The following WWOX variants were observed in gnomAD, a reference collection of about 807,000 sequenced individuals.
The protein encoded by WWOX is WW domain-containing oxidoreductase.
WWOX carries 69 observed loss-of-function variants against 46.2 expected under a neutral mutation model. That is an observed-to-expected ratio of 1.49 (90% CI 1.23 to 1.82). The LOEUF (loss-of-function observed/expected upper bound fraction) is 1.82, where lower values mean the gene tolerates loss of function less well. Among genes scored for constraint, WWOX ranks in the 40% most tolerant of loss-of-function variants. The pLI is 0.00. For synonymous variants in WWOX, 359 were observed against 202.6 expected (o/e 1.77, Z -6.56); for missense variants, 919 against 542.6 (o/e 1.69, Z -6.89).
At chr16:78,721,119 A>G (rs2048679288) in intron 8 of WWOX, among the ~76,000 whole-genome samples, 1 of 152,198 alleles carries the variant, frequency 6.6e-6, no homozygotes, top group Non-Finnish European at 1.5e-5. Flanking sequence ...CAGAATCTCC[A>G]TAAACTGTTT....
At position 78,449,603 on chromosome 16, in the gene WWOX, T is replaced by G. The variant is rs539057288; in HGVS notation, c.1056+16851T>G. On this transcript the variant is annotated intron_variant, in intron 8 of 8. Transcript: ENST00000566780. ...CTTCGTTCTTTTTCTGTTTGCATCC[T>G]TTCGTCATCCTTTTCTTCCCTCTTT... Among the ~76,000 whole-genome samples the G allele has an allele frequency of 6.6e-5, 10 of 152,328 alleles. No individual in the cohort carries two copies. In the South Asian group the frequency reaches 2.1e-3, roughly 32 times the overall value.
intron 8 of WWOX, among the ~76,000 whole-genome samples, chr16:78,603,422 C>T (rs144773394): frequency 1.6e-4 from 25 of 152,306 alleles, no homozygotes; most frequent in Non-Finnish European, 3.5e-4. Context: ...CTGCTGGGTG[C>T]AGTGCCTCAT....
intron 8 of WWOX, among the ~76,000 whole-genome samples, chr16:78,720,185 C>G (rs2048656997): frequency 6.6e-6 from 1 of 152,112 alleles, no homozygotes. Flanking sequence ...AATTGATGTG[C>G]TTCTTTTAGA....
chr16:78,592,421 T>C (rs1452769796), intron 8 of WWOX, among the ~76,000 whole-genome samples: 2 of 152,148 alleles, frequency 1.3e-5, no homozygotes, highest in African/African-American at 2.4e-5. Flanking sequence ...CATAAGAACA[T>C]ACACAAGCAT....
intron 8 of WWOX, among the ~76,000 whole-genome samples, chr16:78,787,601 A>G (rs2050489686): frequency 6.6e-6 from 1 of 152,172 alleles, no homozygotes; most frequent in South Asian, 2.1e-4. Context: ...GTTGGCTGTT[A>G]CGAATTATGC....
chr16:78,454,279 C>T (rs1567582915), intron 8 of WWOX, among the ~76,000 whole-genome samples: 2 of 152,132 alleles, frequency 1.3e-5, no homozygotes, highest in African/African-American at 4.8e-5. Context: ...TGCTCTAAAA[C>T]AGCATCTCTC....
intron 8 of WWOX, among the ~76,000 whole-genome samples, chr16:78,599,039 A>G (rs147869431): frequency 2.0e-5 from 3 of 152,216 alleles, no homozygotes; most frequent in East Asian, 3.9e-4. Context: ...TGAACAATCA[A>G]ACTGGACTTT....
At chr16:78,862,003 G>A (rs576501350) in intron 8 of WWOX, among the ~76,000 whole-genome samples, 1 of 152,228 alleles carries the variant, frequency 6.6e-6, no homozygotes, top group African/African-American at 2.4e-5. Flanking sequence ...CTATATGTGT[G>A]TGTGTATCTA....
chr16:78,992,507 G>T (rs767387394), intron 8 of WWOX, among the ~76,000 whole-genome samples: 1 of 152,050 alleles, frequency 6.6e-6, no homozygotes, highest in East Asian at 1.9e-4. Flanking sequence ...GCTCCAGTGA[G>T]CTCATTTTAC....
At chr16:78,479,100 G>A (rs1207152976) in intron 8 of WWOX, among the ~76,000 whole-genome samples, 1 of 151,916 alleles carries the variant, frequency 6.6e-6, no homozygotes, top group East Asian at 1.9e-4. Flanking sequence ...CCTGAATGTA[G>A]GAGTATTTGG....
chr16:78,716,876 C>T (rs983123052), intron 8 of WWOX, among the ~76,000 whole-genome samples: 2 of 152,200 alleles, frequency 1.3e-5, no homozygotes, highest in Non-Finnish European at 2.9e-5. Flanking sequence ...TTTGCTTTAC[C>T]TGATCTCACT....
chr16:79,176,717 A>C (rs993653197), intron 8 of WWOX, among the ~76,000 whole-genome samples: 6 of 152,188 alleles, frequency 3.9e-5, no homozygotes, highest in Non-Finnish European at 7.3e-5. Context: ...CAAAACACCG[A>C]GGGCTTTAAG....
At chr16:78,629,487 C>T (rs1597370418) in intron 8 of WWOX, among the ~76,000 whole-genome samples, 1 of 152,334 alleles carries the variant, frequency 6.6e-6, no homozygotes, top group Non-Finnish European at 1.5e-5. Flanking sequence ...GATCTTGCCA[C>T]CACCCTACTT....
chr16:78,862,619 G>A (rs913776906), intron 8 of WWOX, among the ~76,000 whole-genome samples: 3 of 152,102 alleles, frequency 2.0e-5, no homozygotes, highest in African/African-American at 7.2e-5. Context: ...GTCTGAGTCT[G>A]AGCAGCTGAG....
At chr16:78,281,956 C>G (rs981789087) in intron 5 of WWOX, among the ~76,000 whole-genome samples, 4 of 152,170 alleles carry the variant, frequency 2.6e-5, no homozygotes, top group Non-Finnish European at 5.9e-5. Flanking sequence ...ATGGGGCTGC[C>G]ACTGGCAGAC....
At chr16:78,724,305 T>C (rs1419496320) in intron 8 of WWOX, among the ~76,000 whole-genome samples, 1 of 152,200 alleles carries the variant, frequency 6.6e-6, no homozygotes, top group Non-Finnish European at 1.5e-5. Flanking sequence ...GGATTCATTA[T>C]CTCTGTGATT....
intron 4 of WWOX, among the ~76,000 whole-genome samples, chr16:78,157,485 C>T (rs534511730): frequency 2.6e-5 from 4 of 152,280 alleles, no homozygotes; most frequent in South Asian, 2.1e-4. Flanking sequence ...GATACAGCTT[C>T]AAAAACCTTT....
At chr16:78,921,473 C>G (rs1399898241) in intron 8 of WWOX, among the ~76,000 whole-genome samples, 11 of 152,256 alleles carry the variant, frequency 7.2e-5, no homozygotes, top group Non-Finnish European at 1.3e-4. Flanking sequence ...TCTTAATATC[C>G]TATAATTGAA....
At chr16:78,402,978 A>G (rs2082448148) in intron 6 of WWOX, among the ~76,000 whole-genome samples, 1 of 152,174 alleles carries the variant, frequency 6.6e-6, no homozygotes, top group Non-Finnish European at 1.5e-5. Flanking sequence ...AGAAAGTCCC[A>G]GAGGATGTCA....
Sources: allele counts gnomAD v4.1 joint callset (sites outside exome capture counted in the v4.1 genomes callset), GRCh38; gene constraint gnomAD v4.1.1; transcripts MANE v1.5; gene names NCBI Gene and HGNC (gene_info 2026-07-23, HGNC 2026-07-21).